CHD7: variants seen among roughly 807,000 people sequenced by gnomAD.
CHD7 encodes the protein ATP-dependent chromatin remodeler CHD7.
A neutral mutation model predicts 307.3 loss-of-function variants in CHD7; 24 were observed. The observed-to-expected ratio is 0.08, with a 90% confidence interval of 0.06 to 0.11. The LOEUF is 0.11. CHD7 is among the 10% of genes least tolerant of loss of function. The probability of loss-of-function intolerance (pLI) is 1.00; values close to 1 mark genes in which losing one functional copy is unlikely to be tolerated. For synonymous variants in CHD7, 1,363 were observed against 1,349.9 expected, an observed-to-expected ratio of 1.01 and a Z score of -0.21; for missense variants, 3,106 against 3,727.1, an observed-to-expected ratio of 0.83 and a Z score of 4.34.
intron 3 of CHD7, among the ~76,000 whole-genome samples, chr8:60,791,613 A>G (rs1254366240): frequency 1.3e-5 from 2 of 152,236 alleles, no homozygotes; most frequent in Non-Finnish European, 2.9e-5. Flanking sequence ...CCTTACGGAT[A>G]TAAATGATAA....
chr8:60,836,727 T>G, intron 16 of CHD7, 90 bp from the exon 17 acceptor site: 2 of 907,070 alleles, frequency 2.2e-6, no homozygotes, highest in Admixed American at 2.4e-5. Context: ...TTAATATATA[T>G]TCCATATTGT....
rs189894889 is a variant in CHD7, at chr8:60,682,462, C to G, written c.-175+3380C>G. Among the ~76,000 whole-genome samples the G allele has an allele frequency of 1.1e-4, 17 of 152,290 alleles. No individual in the cohort carries two copies. In the East Asian group the frequency reaches 2.1e-3, roughly 19 times the overall value. On this transcript the variant is annotated intron_variant, in intron 1 of 37. Coordinates refer to ENST00000423902, the MANE Select transcript of CHD7 (RefSeq NM_017780.4). ...ATACACTGTAAATGCTTCTGTGTGC[C>G]TGCTGTGTAACCCATAAAAGCCATG...
Position 60,742,830 on chromosome 8 carries a change from G to C in CHD7, c.1398G>C (p.Ser466=). 6.2e-7 allele frequency: 1 copy of C among 1,613,432 alleles called. No individual in the cohort carries two copies. Among genetic ancestry groups the C allele is most frequent in the Non-Finnish European group, 8.5e-7 (1 of 1,179,594 alleles). The change falls in exon 2 of 38, where the codon TCG becomes TCC. Residue 466 remains serine (S), a synonymous_variant. Coordinates refer to ENST00000423902, the MANE Select transcript of CHD7 (RefSeq NM_017780.4). ...CTCGTCCATTTATAGGCATGTCCTC[G>C]GCACCAAGGGAATTGACTGGGCACA... ...QQSRPFIGMS[S]APRELTGHMR...
intron 4 of CHD7, among the ~76,000 whole-genome samples, chr8:60,799,915 G>A (rs1185932603): frequency 6.6e-6 from 1 of 151,932 alleles, no homozygotes; most frequent in African/African-American, 2.4e-5. Flanking sequence ...CATTTCTATT[G>A]TATTTGTTAG....
chr8:60,756,497 TC>T, intron 2 of CHD7, among the ~76,000 whole-genome samples: 1 of 152,324 alleles, frequency 6.6e-6, no homozygotes, highest in East Asian at 1.9e-4. Flanking sequence ...CCCAAAAAAG[TC>T]CCTGTCACAA....
At chr8:60,711,221 G>T (rs376522003) in intron 1 of CHD7, among the ~76,000 whole-genome samples, 61 of 152,304 alleles carry the variant, frequency 4.0e-4, no homozygotes, top group African/African-American at 1.4e-3. Context: ...AGGACTTTTA[G>T]TAGTAGGCTT....
At chr8:60,685,666 A>G (rs1250797589) in intron 1 of CHD7, among the ~76,000 whole-genome samples, 1 of 152,234 alleles carries the variant, frequency 6.6e-6, no homozygotes, top group Non-Finnish European at 1.5e-5. Flanking sequence ...TTATCAGAAT[A>G]CTTACCTGGT....
At chr8:60,832,492 AG>A (rs1804563171) in intron 15 of CHD7, among the ~76,000 whole-genome samples, 1 of 152,214 alleles carries the variant, frequency 6.6e-6, no homozygotes, top group Admixed American at 6.5e-5. Context: ...GACAGAGCTT[AG>A]GGCAACTGAT....
intron 2 of CHD7, among the ~76,000 whole-genome samples, chr8:60,772,214 C>T (rs1198990632): frequency 6.6e-6 from 1 of 152,162 alleles, no homozygotes; most frequent in African/African-American, 2.4e-5. Context: ...TATCACTATG[C>T]TCCTTATAAA....
At chr8:60,808,617 C>T in intron 7 of CHD7, 2 of 276,562 alleles carry the variant, frequency 7.2e-6, no homozygotes, top group South Asian at 8.2e-5. Flanking sequence ...GTCCCTTCAC[C>T]TGTGCATAGT....
intron 1 of CHD7, among the ~76,000 whole-genome samples, chr8:60,710,521 AG>A (rs1807238322): frequency 6.6e-6 from 1 of 152,162 alleles, no homozygotes; most frequent in African/African-American, 2.4e-5. Flanking sequence ...TCAAAAACTC[AG>A]TGTCTTTTCT....
intron 6 of CHD7, 71 bp downstream of exon 6, chr8:60,801,664 T>A (rs1812322761): frequency 1.0e-6 from 1 of 1,000,276 alleles, no homozygotes; most frequent in Non-Finnish European, 1.5e-6. Context: ...GCTTTGTAAT[T>A]TTCTTTTAAA....
At chr8:60,791,804 TTTGC>T (rs1414201770) in intron 3 of CHD7, among the ~76,000 whole-genome samples, 1 of 152,132 alleles carries the variant, frequency 6.6e-6, no homozygotes, top group African/African-American at 2.4e-5. Context: ...TGTGGGTCTG[TTTGC>T]TTGCTTATTC....
chr8:60,840,493 A>G (rs1211713536), intron 19 of CHD7, among the ~76,000 whole-genome samples: 1 of 151,582 alleles, frequency 6.6e-6, no homozygotes, highest in East Asian at 1.9e-4. Flanking sequence ...GACTCCATTG[A>G]TTTTGCCTTT....
intron 2 of CHD7, 136 bp downstream of exon 2, chr8:60,743,233 T>C: frequency 1.3e-6 from 1 of 767,578 alleles, no homozygotes; most frequent in South Asian, 1.5e-5. Context: ...GTTATTGGCT[T>C]ATGCATTTAT....
chr8:60,843,032 C>T (rs1445410721), intron 21 of CHD7, among the ~76,000 whole-genome samples: 1 of 152,216 alleles, frequency 6.6e-6, no homozygotes, highest in Non-Finnish European at 1.5e-5. Flanking sequence ...CCGACGCAGG[C>T]ATCAGCTTGT....
At chr8:60,821,680 A>G in intron 9 of CHD7, 110 bp from the exon 10 acceptor site, 3 of 829,286 alleles carry the variant, frequency 3.6e-6, no homozygotes, top group Non-Finnish European at 5.4e-6. Flanking sequence ...ATAAACATAT[A>G]TATACACACA....
chr8:60,769,497 A>G (rs1810615229), intron 2 of CHD7, among the ~76,000 whole-genome samples: 1 of 152,234 alleles, frequency 6.6e-6, no homozygotes, highest in African/African-American at 2.4e-5. Context: ...ATAGTTAGCT[A>G]ATCAACCATT....
At chr8:60,787,340 G>A (rs1811538385) in intron 3 of CHD7, among the ~76,000 whole-genome samples, 1 of 152,202 alleles carries the variant, frequency 6.6e-6, no homozygotes, top group Non-Finnish European at 1.5e-5. Context: ...GACTGCCAGA[G>A]TCCCCCTTCC....
Sources: allele counts gnomAD v4.1 joint callset (sites outside exome capture counted in the v4.1 genomes callset), GRCh38; gene constraint gnomAD v4.1.1; transcripts MANE v1.5; gene names NCBI Gene and HGNC (gene_info 2026-07-23, HGNC 2026-07-21).